CADPS2: variants seen among roughly 807,000 people sequenced by gnomAD.
CADPS2 encodes the protein calcium dependent secretion activator 2, also known as calcium-dependent secretion activator 2.
CADPS2 carries 93 observed loss-of-function variants against 172.5 expected under a neutral mutation model. The ratio of observed to expected loss-of-function variants is 0.54; its 90% CI spans 0.46 to 0.64. The LOEUF is 0.64. Ranked by LOEUF, CADPS2 falls within the 30% of genes least tolerant of loss-of-function variation. CADPS2 has a pLI of 0.00. For missense variants in CADPS2, 1,420 were observed against 1,565.9 expected (o/e 0.91, Z 1.57); for synonymous variants, 546 against 555.2 (o/e 0.98, Z 0.23).
chr7:122,739,196 T>C (rs2092345203), intron 1 of CADPS2, among the ~76,000 whole-genome samples: 1 of 152,096 alleles, frequency 6.6e-6, no homozygotes, highest in South Asian at 2.1e-4. Flanking sequence ...GAGCTTCTCC[T>C]TGCAAGCCAA....
At chr7:122,700,409 A>G (rs2085847113) in intron 2 of CADPS2, among the ~76,000 whole-genome samples, 1 of 152,118 alleles carries the variant, frequency 6.6e-6, no homozygotes, top group Non-Finnish European at 1.5e-5. Flanking sequence ...ATACCCATAA[A>G]GGTTGATTTT....
At chr7:122,552,728 CTGGCCA>C (rs2064461653) in intron 8 of CADPS2, among the ~76,000 whole-genome samples, 1 of 150,346 alleles carries the variant, frequency 6.7e-6, no homozygotes, top group African/African-American at 2.4e-5. Context: ...TGGCATAGTA[CTGGCCA>C]TGGGTAAATT....
At chr7:122,656,207 T>A (rs560520474) in intron 3 of CADPS2, among the ~76,000 whole-genome samples, 2 of 152,246 alleles carry the variant, frequency 1.3e-5, no homozygotes, top group South Asian at 4.1e-4. Context: ...GGACTTTCCT[T>A]TCAGTTACCC....
At chr7:122,340,711 G>A (rs918489816) in intron 28 of CADPS2, among the ~76,000 whole-genome samples, 3 of 152,026 alleles carry the variant, frequency 2.0e-5, no homozygotes, top group African/African-American at 7.3e-5. Context: ...ACTCTGCCTG[G>A]GAAGAAACAT....
chr7:122,785,869 C>T (rs996510671), intron 1 of CADPS2, among the ~76,000 whole-genome samples: 2 of 152,160 alleles, frequency 1.3e-5, no homozygotes, highest in South Asian at 2.1e-4. Flanking sequence ...TTTCCTCTCC[C>T]GAAAGCCCAC....
intron 5 of CADPS2, among the ~76,000 whole-genome samples, chr7:122,619,535 G>A (rs1161761930): frequency 6.6e-6 from 1 of 152,126 alleles, no homozygotes; most frequent in Non-Finnish European, 1.5e-5. Flanking sequence ...GCTGAAGCGG[G>A]AGAATCACTT....
rs149659976 is a variant in CADPS2, at chr7:122,850,124, C to T, written c.339+35875G>A. On this transcript the variant is annotated intron_variant, in intron 1 of 29. Coordinates refer to ENST00000449022, the MANE Select transcript of CADPS2 (RefSeq NM_017954.11). ...CAGACCTGGCATCCATCAACAACTC[C>T]GAGTTTTAGCAACTGCTGAACAGGG... is the stretch of plus-strand genomic sequence containing the variant. The T allele has an allele frequency of 1.1e-4, 147 of 1,293,266 alleles. 2 individuals are homozygous for T. In the African/African-American group the frequency reaches 2.0e-3, roughly 17 times the overall value. 80.1% of individuals were successfully genotyped at this position (1,293,266 alleles called of 1,614,324 possible).
rs762617541 is a variant in CADPS2, at chr7:122,393,308, C to T, written c.2896G>A (p.Ala966Thr). Residue 966 changes from alanine (A) to threonine (T), a missense_variant, in exon 22 of 30, where the codon GCC (alanine) becomes ACC (threonine). Physicochemically the swap from Ala to Thr is moderately conservative, Grantham distance 58 (BLOSUM62 0). Transcript: ENST00000449022. ...AGAGCTACATTGGGAAGACTGTTGG[C>T]GATATTCCTGTAAAGAAACAAACAA... Reference protein sequence around the residue: ...QETWQPVKNIANSLPNVALPK... With the variant: ...QETWQPVKNITNSLPNVALPK... The T allele has an allele frequency of 1.1e-5, 17 of 1,613,572 alleles. No individual in the cohort carries two copies. In the South Asian group the frequency reaches 1.4e-4, roughly 14 times the overall value.
chr7:122,676,501 G>C lies in CADPS2; in HGVS notation c.454-12932C>G. On this transcript the variant is annotated intron_variant, in intron 2 of 29. Transcript: ENST00000449022. ...TTATATACCAGGCTGTATCTCGACT[G>C]CTCACTACATTGCAATACAATAAGC... 3 of 436,790 alleles carry C rather than the reference G, an allele frequency of 6.9e-6. No homozygotes were observed. The East Asian group carries it at 1.1e-4, about 15-fold the overall frequency. The allele number at this position is 436,790 out of a possible 1,614,324, so 27.1% of individuals were successfully genotyped here.
rs540443478 is a variant in CADPS2, at chr7:122,765,297, G to A, written c.340-28229C>T. Among the ~76,000 whole-genome samples the A allele has an allele frequency of 1.4e-4, 22 of 152,248 alleles. No individual in the cohort carries two copies. The South Asian group carries it at 1.9e-3, about 13-fold the overall frequency. On this transcript the variant is annotated intron_variant, in intron 1 of 29. Transcript: ENST00000449022. The stretch of plus-strand genomic sequence containing the variant: ...GTTTTAAATTTGGCTATGGAGAATC[G>A]TAGTATGCTTATACTGCTTACTGCT...
chr7:122,336,910 T>C (rs1261795647), intron 28 of CADPS2, among the ~76,000 whole-genome samples: 3 of 152,202 alleles, frequency 2.0e-5, no homozygotes, highest in Non-Finnish European at 4.4e-5. Context: ...AAGGCTCTGG[T>C]GGAAATCTAA....
chr7:122,675,022 T>C (rs2082251374), intron 2 of CADPS2, among the ~76,000 whole-genome samples: 1 of 152,358 alleles, frequency 6.6e-6, no homozygotes, highest in South Asian at 2.1e-4. Context: ...AGTATGTAAA[T>C]ACCAGTATTT....
intron 5 of CADPS2, among the ~76,000 whole-genome samples, chr7:122,617,395 A>G (rs950078371): frequency 6.6e-6 from 1 of 152,208 alleles, no homozygotes; most frequent in Non-Finnish European, 1.5e-5. Context: ...ATGGACCATC[A>G]GCTAATCTAA....
intron 3 of CADPS2, among the ~76,000 whole-genome samples, chr7:122,648,280 C>T (rs2078773297): frequency 6.6e-6 from 1 of 152,016 alleles, no homozygotes; most frequent in South Asian, 2.1e-4. Context: ...TCTAGACCCT[C>T]CCAAAGGGTT....
chr7:122,560,830 A>G (rs2065661249), intron 7 of CADPS2, among the ~76,000 whole-genome samples: 3 of 152,184 alleles, frequency 2.0e-5, no homozygotes. Context: ...GAGAGTGTAG[A>G]ACCTTGAGGT....
chr7:122,465,596 A>T (rs1159728669), intron 14 of CADPS2, among the ~76,000 whole-genome samples: 1 of 152,186 alleles, frequency 6.6e-6, no homozygotes, highest in East Asian at 1.9e-4. Flanking sequence ...GAATCTAAGT[A>T]ATGCCTGATG....
At position 122,328,138 on chromosome 7, in the gene CADPS2, C is replaced by CACACACAT. The variant is rs1348554641; in HGVS notation, c.3613-2558_3613-2557insATGTGTGT. Among the ~76,000 whole-genome samples, 12 of 138,636 alleles carry CACACACAT rather than the reference C, an allele frequency of 8.7e-5. No individual in the cohort carries two copies. In the East Asian group the frequency reaches 2.2e-3, roughly 25 times the overall value. The allele number at this position is 138,636 out of a possible 152,430, so 91.0% of individuals were successfully genotyped here. A position where few individuals can be genotyped will look rare whatever the true frequency, so the allele number is the denominator to read the frequency against. On this transcript the variant is annotated intron_variant, in intron 28 of 29. Transcript: ENST00000449022. ...TTGTATACAGTAAAATGCAGACACA[C>CACACACAT]ACACACACACACACACACACACGCA...
chr7:122,859,234 AAAAGTTT>A (rs1250244787), intron 1 of CADPS2, among the ~76,000 whole-genome samples: 1 of 152,188 alleles, frequency 6.6e-6, no homozygotes, highest in Non-Finnish European at 1.5e-5. Flanking sequence ...AGACTTTCTT[AAAAGTTT>A]AAAGTTTTAT....
At chr7:122,803,992 A>C (rs1056142174) in intron 1 of CADPS2, among the ~76,000 whole-genome samples, 12 of 149,908 alleles carry the variant, frequency 8.0e-5, no homozygotes, top group Non-Finnish European at 4.4e-5. Flanking sequence ...AAAAAAAAAA[A>C]AAAAAACACT....
Sources: gnomAD v4.1 joint callset for allele counts (sites outside exome capture counted in the v4.1 genomes callset) on GRCh38, gnomAD v4.1.1 for gene constraint, MANE v1.5 for transcripts, NCBI Gene and HGNC (gene_info 2026-07-23, HGNC 2026-07-21) for gene names.